Variants in TTC6 observed in about 807,000 individuals in gnomAD.
The protein encoded by TTC6 is tetratricopeptide repeat domain 6.
TTC6 carries 172 observed loss-of-function variants against 210.4 expected under a neutral mutation model. The observed-to-expected ratio is 0.82, with a 90% CI of 0.72 to 0.93. The LOEUF (loss-of-function observed/expected upper bound fraction) is 0.93, where lower values mean the gene tolerates loss of function less well. Ranked by LOEUF, TTC6 falls within the 40% of genes least tolerant of loss-of-function variation. TTC6 has a pLI of 0.00. For synonymous variants in TTC6, 804 were observed against 819.6 expected, an observed-to-expected ratio of 0.98 and a Z score of 0.32; for missense variants, 2,414 against 2,318.1, an observed-to-expected ratio of 1.04 and a Z score of -0.85.
chr14:37,744,820 G>T (rs1174818908), intron 10 of TTC6, among the ~76,000 whole-genome samples: 1 of 152,172 alleles, frequency 6.6e-6, no homozygotes, highest in Non-Finnish European at 1.5e-5. Context: ...CTGGTTACTT[G>T]TGGAAAATAG....
intron 15 of TTC6, among the ~76,000 whole-genome samples, chr14:37,787,917 G>A (rs1435534642): frequency 9.3e-5 from 14 of 150,508 alleles, no homozygotes; most frequent in Non-Finnish European, 1.3e-4. Flanking sequence ...GTGTGTGTGT[G>A]TGTGTGTTAA....
At chr14:37,599,924 C>A (rs1004393298) in intron 1 of TTC6, among the ~76,000 whole-genome samples, 14 of 152,158 alleles carry the variant, frequency 9.2e-5, no homozygotes, top group Non-Finnish European at 1.6e-4. Flanking sequence ...TTGTTCACAC[C>A]GGTCAGCGCC....
chr14:37,598,699 C>A lies in TTC6; in HGVS notation c.-235+2691C>A, dbSNP rs370438561. On this transcript the variant is annotated intron_variant, in intron 1 of 2. Coordinates refer to the TTC6 transcript ENST00000556845. This position sits in a 1 kb window ranked among gnomAD's most constrained non-coding sequence, Gnocchi z 4.9. ...CCCGGGCCCAGACGGCGGCCTCTCG[C>A]GGCGACAGGGTCCTTCCTATTTAGC... Among the ~76,000 whole-genome samples the A allele has an allele frequency of 1.8e-3, 272 of 152,268 alleles. No individual in the cohort carries two copies. Among genetic ancestry groups the A allele is most frequent in the African/African-American group, 6.3e-3 (261 of 41,568 alleles).
chr14:37,628,894 T>C (rs2095664770), intron 1 of TTC6, among the ~76,000 whole-genome samples: 1 of 152,142 alleles, frequency 6.6e-6, no homozygotes. Flanking sequence ...TTTTGTCAGG[T>C]TTGTCAAAGG....
At chr14:37,714,458 A>G (rs1182644469) in intron 5 of TTC6, among the ~76,000 whole-genome samples, 197 bp from the exon 8 acceptor site, 1 of 152,140 alleles carries the variant, frequency 6.6e-6, no homozygotes, top group Non-Finnish European at 1.5e-5. Flanking sequence ...TATTACTACT[A>G]AAATGTATTA....
At chr14:37,841,501 C>T (rs1356304042) in exon 30 of TTC6, 5 of 1,597,556 alleles carry the variant, frequency 3.1e-6, no homozygotes, top group Admixed American at 1.8e-5. Context: ...AATATGTTCT[C>T]ATGAATCGAG....
intron 1 of TTC6, among the ~76,000 whole-genome samples, chr14:37,643,894 A>G (rs1566859823): frequency 1.3e-5 from 2 of 152,202 alleles, no homozygotes; most frequent in East Asian, 1.9e-4. Context: ...AGACCTGCCT[A>G]GTTGTATAGT....
At chr14:37,812,290 T>C in intron 24 of TTC6, 24 bp from the exon 27 acceptor site, 1 of 1,605,202 alleles carries the variant, frequency 6.2e-7, no homozygotes, top group South Asian at 1.1e-5. Flanking sequence ...AAGTTGAATC[T>C]ATGTTACAAA....
intron 17 of TTC6, among the ~76,000 whole-genome samples, chr14:37,792,773 ATGTTGTGTGTGTGTGTG>A (rs1436639457): frequency 1.5e-5 from 2 of 133,990 alleles, no homozygotes; most frequent in African/African-American, 5.9e-5. Context: ...CTATGGTCCA[ATGTTGTGTGTGTGTGTG>A]TGTGTGTGTG....
intron 1 of TTC6, among the ~76,000 whole-genome samples, chr14:37,639,923 C>A (rs1397465995): frequency 8.0e-6 from 1 of 124,564 alleles, no homozygotes; most frequent in African/African-American, 3.5e-5. Flanking sequence ...TAAGATATAT[C>A]TATATATCTA....
intron 2 of TTC6, among the ~76,000 whole-genome samples, chr14:37,609,646 A>T (rs1264964365): frequency 6.6e-6 from 1 of 152,070 alleles, no homozygotes; most frequent in African/African-American, 2.4e-5. Context: ...AACACTATTT[A>T]TTTGTCATTT....
chr14:37,596,110 G>A (rs1019072969), intron 1 of TTC6, 102 bp downstream of exon 1: 5 of 152,134 alleles, frequency 3.3e-5, no homozygotes, highest in Admixed American at 6.5e-5. Flanking sequence ...ACCACAAAGA[G>A]GAAGAAACTG....
At chr14:37,836,222 T>C (rs1244801298) in intron 29 of TTC6, among the ~76,000 whole-genome samples, 1 of 152,198 alleles carries the variant, frequency 6.6e-6, no homozygotes, top group African/African-American at 2.4e-5. Flanking sequence ...TCTTACATCC[T>C]TAAGCTAATG....
intron 14 of TTC6, among the ~76,000 whole-genome samples, chr14:37,768,650 T>G (rs1052357784): frequency 2.5e-4 from 38 of 150,596 alleles, no homozygotes; most frequent in Non-Finnish European, 4.8e-4. Flanking sequence ...TACATTGATT[T>G]TGTATCCTGA....
intron 1 of TTC6, among the ~76,000 whole-genome samples, chr14:37,624,448 C>G (rs1409259241): frequency 6.6e-6 from 1 of 152,150 alleles, no homozygotes; most frequent in African/African-American, 2.4e-5. Context: ...GTATTAGAAA[C>G]TGGTCCAGAG....
intron 14 of TTC6, among the ~76,000 whole-genome samples, chr14:37,760,728 T>C (rs1276501059): frequency 6.6e-6 from 1 of 152,132 alleles, no homozygotes; most frequent in African/African-American, 2.4e-5. Context: ...TGAGGAGGAA[T>C]CTAGAGAGGC....
At chr14:37,722,642 G>C (rs1410963465) in intron 6 of TTC6, among the ~76,000 whole-genome samples, 2 of 152,174 alleles carry the variant, frequency 1.3e-5, no homozygotes, top group Non-Finnish European at 2.9e-5. Context: ...ACCCAGCCAT[G>C]ATGTTTCTCT....
intron 1 of TTC6, among the ~76,000 whole-genome samples, chr14:37,604,456 C>A (rs1001101380): frequency 6.6e-6 from 1 of 152,106 alleles, no homozygotes; most frequent in Non-Finnish European, 1.5e-5. Flanking sequence ...GTCCCTTCCT[C>A]CCCCTAGGCG....
exon 11 of TTC6, chr14:37,749,036 T>C (rs549234680): frequency 6.5e-7 from 1 of 1,535,734 alleles, no homozygotes; most frequent in East Asian, 2.4e-5. Context: ...ACCTTTGTAT[T>C]TAAATTTTGA....
Sources: gnomAD v4.1 joint callset for allele counts (sites outside exome capture counted in the v4.1 genomes callset) on GRCh38, gnomAD v4.1.1 for gene constraint, Gnocchi (gnomAD v3.1) non-coding constraint, MANE v1.5 for transcripts, NCBI Gene and HGNC (gene_info 2026-07-23, HGNC 2026-07-21) for gene names.